ZNF658: variants seen among roughly 807,000 people sequenced by gnomAD.
ZNF658 encodes zinc finger protein 658.
Under a neutral mutation model 78.0 loss-of-function variants are expected in ZNF658, and 46 were observed. The observed-to-expected ratio is 0.59, with a 90% CI of 0.47 to 0.75. ZNF658 has a LOEUF of 0.75. Among genes scored for constraint, ZNF658 ranks in the 30% least tolerant of loss-of-function variants. ZNF658 has a pLI of 0.00. For synonymous variants in ZNF658, 279 were observed against 408.4 expected (o/e 0.68, Z 3.82); for missense variants, 785 against 1,189.3 (o/e 0.66, Z 5.00).
At chr9:66,904,067 G>T (rs1822017597) in intron 2 of ZNF658, among the ~76,000 whole-genome samples, 1 of 151,266 alleles carries the variant, frequency 6.6e-6, no homozygotes, top group South Asian at 2.1e-4. Context: ...ACATTTTTCT[G>T]ATGAATCAAC....
Position 66,905,793 on chromosome 9 carries a change from G to T in ZNF658, c.15+2217G>T, listed in dbSNP as rs1250116893. Among the ~76,000 whole-genome samples the T allele has an allele frequency of 9.6e-5, 14 of 145,554 alleles. No individual in the cohort carries two copies. The East Asian group carries it at 2.0e-3, about 21-fold the overall frequency. On this transcript the variant is annotated intron_variant, in intron 2 of 4. Transcript: ENST00000621410. ...GATATTATTCTAATACTTTCCTTTGGTCCTTACATATCATTTCCTCTAAGT... is the reference window on the plus strand; with the variant it reads ...GATATTATTCTAATACTTTCCTTTGTTCCTTACATATCATTTCCTCTAAGT...
downstream of ZNF658, among the ~76,000 whole-genome samples, chr9:66,922,876 G>A (rs2118122492): frequency 6.8e-6 from 1 of 147,424 alleles, no homozygotes; most frequent in African/African-American, 2.5e-5. Flanking sequence ...GCTACAGCTT[G>A]AATTTCCATG....
Position 66,917,876 on chromosome 9 carries a change from A to G in ZNF658, c.310A>G (p.Ile104Val), listed in dbSNP as rs766765579. ...QEKPLWQEIF[I>V]SDADKTLSKE... ...AAAACCTCTGTGGCAAGAAATATTCATCAGTGATGCTGACAAAACATTGAG... is the reference window on the plus strand; with the variant it reads ...AAAACCTCTGTGGCAAGAAATATTCGTCAGTGATGCTGACAAAACATTGAG... Residue 104 changes from isoleucine to valine, a missense_variant, in exon 5 of 5, where the codon ATC becomes GTC. By Grantham distance (29) the Ile-to-Val change is conservative. This residue lies in a region of ZNF658 where 54 missense variants were observed against 48.9 expected (regional missense o/e 1.10). Coordinates refer to ENST00000621410, the MANE Select transcript of ZNF658 (RefSeq NM_033160.7). 1,441 of 1,602,586 alleles carry G rather than the reference A, an allele frequency of 9.0e-4. 5 individuals are homozygous for G. Among genetic ancestry groups the G allele is most frequent in the Non-Finnish European group, 1.2e-3 (1,359 of 1,177,498 alleles).
At position 66,919,584 on chromosome 9, in the gene ZNF658, T is replaced by C; in HGVS notation, c.2018T>C (p.Leu673Pro). ...AGATCTTTCACCTACAATTCAGCCC[T>C]GAGAGCACATCAGAGAATTCACACA... ...CGRSFTYNSA[L>P]RAHQRIHTGR... is the part of the protein sequence containing the mutation. The change falls in exon 5 of 5, where the codon CTG becomes CCG. Residue 673 changes from leucine (L) to proline (P), a missense_variant. Leu to Pro is a moderately conservative substitution (Grantham distance 98). This residue lies in a region of ZNF658 where 75 missense variants were observed against 147.1 expected (regional missense o/e 0.51). Coordinates refer to ENST00000621410, the MANE Select transcript of ZNF658 (RefSeq NM_033160.7). The C allele has an allele frequency of 6.2e-7, 1 of 1,610,710 alleles. No homozygotes were observed. The highest frequency in any genetic ancestry group is 8.5e-7 in the Non-Finnish European group (1 of 1,179,364).
chr9:66,908,799 G>C (rs1467660869), intron 4 of ZNF658, 65 bp downstream of exon 4: 2 of 1,392,532 alleles, frequency 1.4e-6, no homozygotes, highest in African/African-American at 2.9e-5. Flanking sequence ...GAGCACCTTT[G>C]AAAGTTTTTT....
At chr9:66,914,855 T>C (rs1822296524) in intron 4 of ZNF658, among the ~76,000 whole-genome samples, 1 of 152,140 alleles carries the variant, frequency 6.6e-6, no homozygotes, top group Non-Finnish European at 1.5e-5. Flanking sequence ...GAGATATTGG[T>C]CTGAAAGCTT....
At chr9:66,914,544 A>C (rs1276463844) in intron 4 of ZNF658, among the ~76,000 whole-genome samples, 1 of 152,046 alleles carries the variant, frequency 6.6e-6, no homozygotes, top group African/African-American at 2.4e-5. Flanking sequence ...TAGAGGGAAG[A>C]CATTCAGTCT....
rs1419911612 is a variant in ZNF658, at chr9:66,919,053, G to A, written c.1487G>A (p.Gly496Asp). ...GATGCAGAGATGGAACTCTGTGGTG[G>A]CAGTGAATATGGGAAGACATCACAT... is the stretch of plus-strand genomic sequence containing the variant. Reference protein sequence around the residue: ...KTDAEMELCGGSEYGKTSHLK... With the variant: ...KTDAEMELCGDSEYGKTSHLK... Residue 496 changes from glycine (G) to aspartate (D), a missense_variant, in exon 5 of 5, where the codon GGC (glycine) becomes GAC (aspartate). Physicochemically the swap from Gly to Asp is moderately conservative, Grantham distance 94 (BLOSUM62 -1). This residue lies in a region of ZNF658 where 393 missense variants were observed against 400.2 expected (regional missense o/e 0.98). Transcript: ENST00000621410. 1.2e-5 allele frequency: 8 copies of A among 681,290 alleles called. No homozygotes were observed. The South Asian group carries it at 1.3e-4, about 11-fold the overall frequency. 42.2% of individuals were successfully genotyped at this position (681,290 alleles called of 1,614,324 possible). A position where few individuals can be genotyped will look rare whatever the true frequency, so the allele number is the denominator to read the frequency against.
intron 6 of ZNF658, among the ~76,000 whole-genome samples, chr9:66,931,413 CATA>C (rs1190414321): frequency 6.6e-6 from 1 of 151,902 alleles, no homozygotes; most frequent in Non-Finnish European, 1.5e-5. Flanking sequence ...CTATGTCTAG[CATA>C]TTGTGTTAGA....
Position 66,918,264 on chromosome 9 carries a change from C to A in ZNF658, c.698C>A (p.Pro233His). ...TATGATAAGACAATTTGTATTACAC[C>A]TCAGAGTTTTCTAACAGGAGAAAAG... The part of the protein sequence containing the change: ...GLYDKTICIT[P>H]QSFLTGEKSC... Residue 233 changes from proline to histidine, a missense_variant, in exon 5 of 5, where the codon CCT (proline) becomes CAT (histidine). Physicochemically the swap from Pro to His is moderately conservative, Grantham distance 77. Around this residue, in one of 12 missense-constraint regions of ZNF658, gnomAD observed 393 missense variants for 400.2 expected, o/e 0.98. Transcript: ENST00000621410. The A allele has an allele frequency of 6.2e-7, 1 of 1,612,972 alleles. No individual in the cohort carries two copies. Among genetic ancestry groups the A allele is most frequent in the Non-Finnish European group, 8.5e-7 (1 of 1,179,416 alleles).
chr9:66,931,389 G>A (rs1374013227), intron 6 of ZNF658, among the ~76,000 whole-genome samples: 1 of 151,730 alleles, frequency 6.6e-6, no homozygotes, highest in African/African-American at 2.4e-5. Context: ...ATAATTGAAT[G>A]ACTAATACTG....
intron 6 of ZNF658, among the ~76,000 whole-genome samples, chr9:66,929,158 C>T (rs1182947566): frequency 4.0e-5 from 6 of 150,166 alleles, no homozygotes; most frequent in Admixed American, 2.0e-4. Flanking sequence ...GAATAAATTT[C>T]TCTTTTTAAC....
At chr9:66,916,004 C>T (rs1384573661) in intron 4 of ZNF658, among the ~76,000 whole-genome samples, 3 of 139,986 alleles carry the variant, frequency 2.1e-5, no homozygotes, top group Non-Finnish European at 3.1e-5. Context: ...ATTCTCCTGC[C>T]CCAGCCTCCT....
intron 4 of ZNF658, among the ~76,000 whole-genome samples, chr9:66,909,263 C>T (rs1822156780): frequency 6.6e-6 from 1 of 151,898 alleles, no homozygotes; most frequent in South Asian, 2.1e-4. Flanking sequence ...TCCCCCCTGC[C>T]CTCTGCAGCC....
intron 4 of ZNF658, 69 bp from the exon 5 acceptor site, chr9:66,917,736 T>A: frequency 6.8e-7 from 1 of 1,463,446 alleles, no homozygotes. Context: ...AAAATCAAAA[T>A]ATGAGTATAA....
chr9:66,928,696 C>A (rs1211020900), intron 6 of ZNF658, among the ~76,000 whole-genome samples: 286 of 128,708 alleles, frequency 2.2e-3, no homozygotes, highest in Non-Finnish European at 2.6e-3. Flanking sequence ...ACTAAAAATA[C>A]AAAAAAAAAA....
chr9:66,931,709 TA>T (rs1822646992), intron 6 of ZNF658, among the ~76,000 whole-genome samples: 1 of 137,320 alleles, frequency 7.3e-6, no homozygotes, highest in Non-Finnish European at 1.6e-5. Flanking sequence ...CATAAAACAA[TA>T]AAAAAGGAAC....
chr9:66,931,495 A>G (rs1286685391), intron 6 of ZNF658, among the ~76,000 whole-genome samples: 3 of 152,114 alleles, frequency 2.0e-5, no homozygotes, highest in African/African-American at 4.8e-5. Context: ...GTAGAACCAT[A>G]TATCTAGTAG....
intron 2 of ZNF658, among the ~76,000 whole-genome samples, chr9:66,904,619 A>T (rs1442437581): frequency 6.6e-6 from 1 of 152,120 alleles, no homozygotes; most frequent in Non-Finnish European, 1.5e-5. Context: ...CAGATAATGT[A>T]CTAATATCAC....
Sources: gnomAD v4.1 joint callset for allele counts (sites outside exome capture counted in the v4.1 genomes callset) on GRCh38, gnomAD v4.1.1 for gene constraint, gnomAD v4.1.1 regional missense constraint, MANE v1.5 for transcripts, NCBI Gene and HGNC (gene_info 2026-07-23, HGNC 2026-07-21) for gene names.